Variants in ADGRD2 observed in about 807,000 individuals in gnomAD.
The protein encoded by ADGRD2 is G protein-coupled receptor PGR24.
A neutral mutation model predicts 44.4 loss-of-function variants in ADGRD2; 71 were observed. The observed-to-expected ratio is 1.60, with a 90% CI of 1.32 to 1.95. The LOEUF (loss-of-function observed/expected upper bound fraction) is 1.95. ADGRD2 is among the 30% of genes most tolerant of loss of function. The pLI is 0.00. For synonymous variants in ADGRD2, 481 were observed against 224.8 expected (o/e 2.14, Z -10.19); for missense variants, 1,039 against 512.4 (o/e 2.03, Z -9.92).
At chr9:124,471,915 C>T (rs1831951769) in intron 17 of ADGRD2, among the ~76,000 whole-genome samples, 1 of 152,222 alleles carries the variant, frequency 6.6e-6, no homozygotes, top group African/African-American at 2.4e-5. Context: ...CTCTTCCAAG[C>T]CCCACGCCCC....
chr9:124,452,736 C>A lies in ADGRD2; in HGVS notation c.281+14C>A, dbSNP rs1352342817. On this transcript the variant is annotated intron_variant, in intron 2 of 21. Transcript: ENST00000334810. Reference sequence around the variant, plus strand: ...CCCCACAGAGGCGTGAGTGTGGGCCCCTGGGAAATGGGAGCAAGGGGCAGA... The same window carrying A: ...CCCCACAGAGGCGTGAGTGTGGGCCACTGGGAAATGGGAGCAAGGGGCAGA... 1 of 704,230 alleles carries A rather than the reference C, an allele frequency of 1.4e-6. No individual in the cohort carries two copies. Among genetic ancestry groups the A allele is most frequent in the Admixed American group, 2.0e-5 (1 of 49,858 alleles). 43.6% of individuals were successfully genotyped at this position (704,230 alleles called of 1,614,324 possible).
intron 10 of ADGRD2, among the ~76,000 whole-genome samples, chr9:124,464,996 G>T (rs569467362): frequency 6.6e-6 from 1 of 152,126 alleles, no homozygotes; most frequent in Non-Finnish European, 1.5e-5. Flanking sequence ...GAGGAGAGGC[G>T]CAGTTGCTTA....
chr9:124,469,477 A>G (rs1831901452), exon 16 of ADGRD2: 1 of 718,086 alleles, frequency 1.4e-6, no homozygotes, highest in Non-Finnish European at 2.6e-6. Flanking sequence ...CACCGTGTCC[A>G]GTGCCCGCCG....
exon 7 of ADGRD2, chr9:124,456,661 C>T (rs1312266889): frequency 1.1e-5 from 8 of 717,482 alleles, no homozygotes; most frequent in Admixed American, 6.0e-5. Context: ...GAGTGTGCAG[C>T]GCCTGGCACC....
At chr9:124,453,491 G>C (rs753676254) in exon 3 of ADGRD2, 2 of 703,332 alleles carry the variant, frequency 2.8e-6, no homozygotes, top group South Asian at 3.0e-5. Flanking sequence ...TTCTCGGTGC[G>C]TCACGCCCTC....
Position 124,454,368 on chromosome 9 carries a change from A to G in ADGRD2, c.1023-116A>G, listed in dbSNP as rs1831572237. On this transcript the variant is annotated intron_variant, in intron 4 of 21. Coordinates refer to ENST00000334810, the Ensembl canonical transcript of ADGRD2. The surrounding 1 kb of genome is among the most constrained non-coding windows in gnomAD (Gnocchi z 4.5). ...TGTGTAAGACTCTGGACACACAGCC[A>G]TCAAGGTGCTCTTCCTTCCCTGGGC... is the stretch of plus-strand genomic sequence containing the variant. 6.3e-6 allele frequency: 4 copies of G among 630,004 alleles called. No individual in the cohort carries two copies. The highest frequency in any genetic ancestry group is 2.3e-5 in the Admixed American group (1 of 42,578). 39.0% of individuals were successfully genotyped at this position (630,004 alleles called of 1,614,324 possible).
chr9:124,453,032 C>A lies in ADGRD2; in HGVS notation c.282-3C>A. ...TGAGGTCGCAGCCCACGTGTCCCTG[C>A]AGGTGCGCGCACCACCGCCGTGCTG... On this transcript the variant is annotated splice_region_variant and splice_polypyrimidine_tract_variant and intron_variant, in intron 2 of 21. Coordinates refer to ENST00000334810, the Ensembl canonical transcript of ADGRD2. 1 of 655,286 alleles carries A rather than the reference C, an allele frequency of 1.5e-6. No individual in the cohort carries two copies. The highest frequency in any genetic ancestry group is 1.7e-5 in the South Asian group (1 of 59,706). The allele number at this position is 655,286 out of a possible 1,614,324, so 40.6% of individuals were successfully genotyped here. A position where few individuals can be genotyped will look rare whatever the true frequency, so the allele number is the denominator to read the frequency against.
Position 124,465,851 on chromosome 9 carries a change from A to G in ADGRD2, c.1871-407A>G, listed in dbSNP as rs1361933343. On this transcript the variant is annotated intron_variant, in intron 10 of 21. Transcript: ENST00000334810. ...CATAGGAGTATGTGAAGGAGGAAGC[A>G]CTCACTCTGTGAGGTGCCTAGGAAG... The G allele has an allele frequency of 1.9e-5, 3 of 154,670 alleles. No individual in the cohort carries two copies. The East Asian group carries it at 5.7e-4, about 29-fold the overall frequency. 9.6% of individuals were successfully genotyped at this position (154,670 alleles called of 1,614,324 possible).
At chr9:124,457,061 A>G (rs1831631081) in intron 7 of ADGRD2, among the ~76,000 whole-genome samples, 1 of 152,228 alleles carries the variant, frequency 6.6e-6, no homozygotes, top group Non-Finnish European at 1.5e-5. Context: ...TAATGGAATT[A>G]TCTCCCTCTA....
At chr9:124,467,340 CAAAAAAA>C (rs59651695) in intron 11 of ADGRD2, 52,265 of 104,880 alleles carry the variant, frequency 0.5, 9,383 homozygotes, top group South Asian at 0.55. Context: ...CTTGAAGCAA[CAAAAAAA>C]AAAAAAAAAA....
intron 7 of ADGRD2, 39 bp downstream of exon 10, chr9:124,456,772 A>C: frequency 2.8e-6 from 2 of 703,244 alleles, no homozygotes; most frequent in Non-Finnish European, 5.2e-6. Flanking sequence ...CTGGACTCAG[A>C]CCTCCCTCCT....
At chr9:124,467,521 G>T (rs1831847351) in intron 11 of ADGRD2, among the ~76,000 whole-genome samples, 200 bp from the exon 15 acceptor site, 1 of 152,128 alleles carries the variant, frequency 6.6e-6, no homozygotes. Context: ...GGTCAGTCTA[G>T]GGAGAGCCAG....
At chr9:124,461,072 A>C (rs562857980) in intron 10 of ADGRD2, among the ~76,000 whole-genome samples, 1 of 152,330 alleles carries the variant, frequency 6.6e-6, no homozygotes, top group African/African-American at 2.4e-5. Context: ...GCATCTCTTT[A>C]TACACTTATT....
In ADGRD2 at chr9:124,476,244, C is replaced by A. The variant is rs1832046915; in HGVS notation, c.2846-113C>A. On this transcript the variant is annotated intron_variant, in intron 19 of 21. Transcript: ENST00000334810. ...CCTCATTACTAATCTGTGAGGTAAA[C>A]CTTGGAGTGGATTCTTAGCGTATTT... 6.6e-6 allele frequency: 4 copies of A among 607,586 alleles called. No homozygotes were observed. The Admixed American group carries it at 7.5e-5, about 11-fold the overall frequency. 37.6% of individuals were successfully genotyped at this position (607,586 alleles called of 1,614,324 possible). A position where few individuals can be genotyped will look rare whatever the true frequency, so the allele number is the denominator to read the frequency against.
chr9:124,457,402 T>G, intron 7 of ADGRD2, 70 bp from the exon 11 acceptor site: 2 of 507,564 alleles, frequency 3.9e-6, no homozygotes, highest in South Asian at 6.5e-5. Context: ...ATCCAGACCC[T>G]GCTAGCTGGG....
In ADGRD2 at chr9:124,454,850, C is replaced by G. The variant is rs897990069; in HGVS notation, c.1118C>G (p.Pro373Arg). 1 of 700,030 alleles carries G rather than the reference C, an allele frequency of 1.4e-6. No homozygotes were observed. Among genetic ancestry groups the G allele is most frequent in the African/African-American group, 1.8e-5 (1 of 57,112 alleles). 43.4% of individuals were successfully genotyped at this position (700,030 alleles called of 1,614,324 possible). Residue 373 changes from proline (P) to arginine (R), a missense_variant, in exon 6 of 22, where the codon CCG becomes CGG. Pro to Arg is a moderately radical substitution (Grantham distance 103). Transcript: ENST00000334810. This position sits in a 1 kb window ranked among gnomAD's most constrained non-coding sequence, Gnocchi z 4.5. ...TGGCTCCTCTGTCCACAGCTCCTCC[C>G]GGACCCCCTCTCCGAAGTCCATGGG...
chr9:124,452,110 C>A, exon 1 of ADGRD2: 1 of 709,004 alleles, frequency 1.4e-6, no homozygotes, highest in Non-Finnish European at 2.6e-6. Flanking sequence ...CTCTCTGGGA[C>A]CCCCTCCAAC....
intron 17 of ADGRD2, among the ~76,000 whole-genome samples, chr9:124,472,165 C>T (rs1227811725): frequency 1.3e-5 from 2 of 152,158 alleles, no homozygotes; most frequent in African/African-American, 4.8e-5. Context: ...GGGGCAATGC[C>T]ACCGTCAGCC....
At chr9:124,451,484 C>A (rs1321494002), upstream of ADGRD2, 2 of 347,656 alleles carry the variant, frequency 5.8e-6, no homozygotes, top group East Asian at 1.5e-4. Flanking sequence ...GGCTTCCAGC[C>A]CACTGGTTGG....
Sources: gnomAD v4.1 joint callset for allele counts (sites outside exome capture counted in the v4.1 genomes callset) on GRCh38, gnomAD v4.1.1 for gene constraint, Gnocchi (gnomAD v3.1) non-coding constraint, MANE v1.5 for transcripts, NCBI Gene and HGNC (gene_info 2026-07-23, HGNC 2026-07-21) for gene names.